Variants in WDR59 observed in about 807,000 individuals in gnomAD.
WDR59 encodes the protein WD repeat domain 59.
WDR59 carries 100 observed loss-of-function variants against 131.2 expected under a neutral mutation model. That is an observed-to-expected ratio of 0.76 (90% CI 0.65 to 0.90). WDR59 has a LOEUF of 0.90. WDR59 is among the 40% of genes least tolerant of loss of function. WDR59 has a pLI of 0.00. For missense variants in WDR59, 1,203 were observed against 1,262.2 expected, an observed-to-expected ratio of 0.95 and a Z score of 0.71; for synonymous variants, 601 against 466.2, an observed-to-expected ratio of 1.29 and a Z score of -3.72.
chr16:74,965,324 T>C (rs915438654), intron 2 of WDR59, among the ~76,000 whole-genome samples: 1 of 152,192 alleles, frequency 6.6e-6, no homozygotes, highest in South Asian at 2.1e-4. Context: ...AGTTCCTTCA[T>C]GATGAAATCA....
chr16:74,897,347 T>C (rs1050433454), intron 18 of WDR59, among the ~76,000 whole-genome samples: 2 of 152,192 alleles, frequency 1.3e-5, no homozygotes, highest in African/African-American at 4.8e-5. Context: ...ATTAGGCACA[T>C]TCAGACAGAA....
At chr16:74,894,988 C>G (rs1229574936) in intron 18 of WDR59, among the ~76,000 whole-genome samples, 1 of 152,194 alleles carries the variant, frequency 6.6e-6, no homozygotes, top group Non-Finnish European at 1.5e-5. Context: ...AGATTACTCA[C>G]AAATAAATTC....
chr16:74,984,387 G>A (rs775269711), intron 1 of WDR59, among the ~76,000 whole-genome samples: 4 of 152,128 alleles, frequency 2.6e-5, no homozygotes, highest in African/African-American at 9.7e-5. Context: ...TGACGTGTAC[G>A]GAGTGATGAC....
chr16:74,956,457 T>C lies in WDR59; in HGVS notation c.240+18A>G, dbSNP rs1316876191. 2.5e-6 allele frequency: 4 copies of C among 1,612,772 alleles called. No individual in the cohort carries two copies. The highest frequency in any genetic ancestry group is 3.4e-6 in the Non-Finnish European group (4 of 1,179,318). On this transcript the variant is annotated intron_variant, in intron 3 of 25. Transcript: ENST00000262144. ...ACACATTTAACAGCATTCTCCTGTA[T>C]TCCTTAAATAAGCTCACCGAAGCCG... is the stretch of plus-strand genomic sequence containing the variant.
Position 74,921,946 on chromosome 16 carries a change from C to A in WDR59, c.886+1G>T. On this transcript the variant is annotated splice_donor_variant, in intron 10 of 25. Coordinates refer to ENST00000262144, the MANE Select transcript of WDR59 (RefSeq NM_030581.4). LOFTEE classifies it high-confidence loss of function. ...GTGGGCAGCAGGCCTCTCCCACTCACCTTCCTTCTGCTTCCTCCACTGGAA... is the reference window on the plus strand; with the variant it reads ...GTGGGCAGCAGGCCTCTCCCACTCAACTTCCTTCTGCTTCCTCCACTGGAA... 2 of 1,613,746 alleles carry A rather than the reference C, an allele frequency of 1.2e-6. No individual in the cohort carries two copies. Among genetic ancestry groups the A allele is most frequent in the Non-Finnish European group, 8.5e-7 (1 of 1,179,888 alleles).
chr16:74,920,852 A>C (rs1348347180), intron 10 of WDR59, among the ~76,000 whole-genome samples: 1 of 152,188 alleles, frequency 6.6e-6, no homozygotes, highest in East Asian at 1.9e-4. Flanking sequence ...ATTCAAAAAT[A>C]GGCAGTGAAA....
At chr16:74,923,392 T>C (rs2030446510) in intron 9 of WDR59, among the ~76,000 whole-genome samples, 1 of 152,104 alleles carries the variant, frequency 6.6e-6, no homozygotes. Context: ...AGTGAGTATC[T>C]TTACATGGCC....
intron 20 of WDR59, 28 bp downstream of exon 20, chr16:74,892,456 A>G: frequency 6.3e-7 from 1 of 1,588,038 alleles, no homozygotes. Context: ...GAAAAATCCA[A>G]ATCTCCACCA....
chr16:74,913,432 G>A (rs916265650), intron 13 of WDR59, among the ~76,000 whole-genome samples: 1 of 151,400 alleles, frequency 6.6e-6, no homozygotes, highest in Non-Finnish European at 1.5e-5. Context: ...GCAAATCTTT[G>A]TTTTGTTGTT....
At chr16:74,941,484 G>A (rs1025878060) in intron 7 of WDR59, among the ~76,000 whole-genome samples, 6 of 151,806 alleles carry the variant, frequency 4.0e-5, no homozygotes, top group Admixed American at 2.0e-4. Context: ...ACTTGAGGTC[G>A]GGAGTTCAAG....
At chr16:74,914,313 C>G (rs1418127205) in intron 13 of WDR59, among the ~76,000 whole-genome samples, 3 of 152,132 alleles carry the variant, frequency 2.0e-5, no homozygotes, top group African/African-American at 7.2e-5. Flanking sequence ...AACTAGATCA[C>G]TAGGTATCCA....
rs1041049471 is a variant in WDR59, at chr16:74,976,445, T to C, written c.54+8519A>G. ...AACGTTTTTCTTTTTCTTTTCTTTT[T>C]TTTTTTTTTTCTTTTGAGACGCAGC... On this transcript the variant is annotated intron_variant, in intron 1 of 25. Coordinates refer to ENST00000262144, the MANE Select transcript of WDR59 (RefSeq NM_030581.4). Among the ~76,000 whole-genome samples, 7 of 151,502 alleles carry C rather than the reference T, an allele frequency of 4.6e-5. No homozygotes were observed. The East Asian group carries it at 5.8e-4, about 12-fold the overall frequency.
At chr16:74,966,424 G>A (rs1327880252) in intron 1 of WDR59, among the ~76,000 whole-genome samples, 1 of 152,076 alleles carries the variant, frequency 6.6e-6, no homozygotes, top group African/African-American at 2.4e-5. Context: ...AGGGTGCAGT[G>A]ACTCGAGATT....
chr16:74,903,746 G>GC (rs1337520065), intron 18 of WDR59, among the ~76,000 whole-genome samples: 4 of 152,252 alleles, frequency 2.6e-5, no homozygotes, highest in African/African-American at 9.6e-5. Context: ...CATAAGAACG[G>GC]CCCCCTGACC....
At chr16:74,969,420 A>G (rs556597575) in intron 1 of WDR59, among the ~76,000 whole-genome samples, 9 of 151,724 alleles carry the variant, frequency 5.9e-5, no homozygotes, top group Admixed American at 2.6e-4. Flanking sequence ...TTACAGGTGC[A>G]TGCCACTACG....
chr16:74,900,460 G>C (rs1965500123), intron 18 of WDR59, among the ~76,000 whole-genome samples: 1 of 152,150 alleles, frequency 6.6e-6, no homozygotes. Context: ...ATTTACATGA[G>C]AGCTATTTTA....
chr16:74,907,351 T>A (rs4887789), intron 17 of WDR59, among the ~76,000 whole-genome samples: 1 of 152,124 alleles, frequency 6.6e-6, no homozygotes, highest in East Asian at 1.9e-4. Context: ...TGGGAGGTGA[T>A]TGGATCATGG....
At chr16:74,963,153 G>A (rs2033627477) in intron 2 of WDR59, 1 of 152,188 alleles carries the variant, frequency 6.6e-6, no homozygotes, top group South Asian at 2.1e-4. Context: ...CTACTCGGGA[G>A]GTTGAGGCAG....
At chr16:74,971,966 C>A (rs2034001370) in intron 1 of WDR59, among the ~76,000 whole-genome samples, 1 of 152,164 alleles carries the variant, frequency 6.6e-6, no homozygotes. Context: ...GCCTCAGCCT[C>A]CCAAGGGGCT....
Sources: gnomAD v4.1 joint callset for allele counts (sites outside exome capture counted in the v4.1 genomes callset) on GRCh38, gnomAD v4.1.1 for gene constraint, MANE v1.5 for transcripts, NCBI Gene and HGNC (gene_info 2026-07-23, HGNC 2026-07-21) for gene names.